SEL1L: variants seen among roughly 807,000 people sequenced by gnomAD.
SEL1L encodes SEL1L adaptor subunit of SYVN1 ubiquitin ligase.
Under a neutral mutation model 109.8 loss-of-function variants are expected in SEL1L, and 52 were observed. The ratio of observed to expected loss-of-function variants is 0.47; its 90% confidence interval spans 0.38 to 0.60. The LOEUF is 0.60. Ranked by LOEUF, SEL1L falls within the 20% of genes least tolerant of loss-of-function variation. The probability of loss-of-function intolerance (pLI) is 0.00; values close to 1 mark genes in which losing one functional copy is unlikely to be tolerated. For synonymous variants in SEL1L, 373 were observed against 339.6 expected (o/e 1.10, Z -1.08); for missense variants, 749 against 962.2 (o/e 0.78, Z 2.93).
Position 81,484,218 on chromosome 14 carries a change from C to T in SEL1L, c.2046+7G>A, listed in dbSNP as rs1903449600. ...GTGATTCAAACGTGTTTGGAAGCCA[C>T]ACTCACCTGTTTAATGCCCAGTCCT... is the stretch of plus-strand genomic sequence containing the variant. On this transcript the variant is annotated splice_region_variant and intron_variant, in intron 19 of 20. Coordinates refer to ENST00000336735, the MANE Select transcript of SEL1L (RefSeq NM_005065.6). 1 of 1,598,402 alleles carries T rather than the reference C, an allele frequency of 6.3e-7. No homozygotes were observed. Among genetic ancestry groups the T allele is most frequent in the Non-Finnish European group, 8.6e-7 (1 of 1,167,532 alleles).
intron 14 of SEL1L, among the ~76,000 whole-genome samples, chr14:81,488,265 A>T (rs977283745): frequency 6.6e-6 from 1 of 152,300 alleles, no homozygotes; most frequent in African/African-American, 2.4e-5. Context: ...AACCCTTTTT[A>T]AACCTCAATT....
chr14:81,530,308 G>C (rs1885273403), intron 1 of SEL1L, among the ~76,000 whole-genome samples: 1 of 152,174 alleles, frequency 6.6e-6, no homozygotes, highest in Admixed American at 6.5e-5. Flanking sequence ...TGGAGAGCTA[G>C]GTCTGGAACC....
chr14:81,491,772 T>G (rs2140000343), intron 12 of SEL1L, among the ~76,000 whole-genome samples: 1 of 152,332 alleles, frequency 6.6e-6, no homozygotes, highest in South Asian at 2.1e-4. Context: ...TTCCCTTGAT[T>G]GAGAACACAG....
Position 81,477,127 on chromosome 14 carries a change from C to G in SEL1L, c.2230G>C (p.Asp744His). ...DMDQLLGPEW[D>H]LYLMTIIALL... ...GCAATGATGGTCATGAGGTAAAGGT[C>G]CCACTCAGGTCCCAAAAGCTGGTCC... The change falls in exon 21 of 21, where the codon GAC becomes CAC. Residue 744 changes from aspartate to histidine, a missense_variant. Physicochemically the swap from Asp to His is moderately conservative, Grantham distance 81. Around this residue, in one of 2 missense-constraint regions of SEL1L, gnomAD observed 383 missense variants for 562.5 expected, o/e 0.68. Coordinates refer to ENST00000336735, the MANE Select transcript of SEL1L (RefSeq NM_005065.6). 6.2e-7 allele frequency: 1 copy of G among 1,614,100 alleles called. No homozygotes were observed. Among genetic ancestry groups the G allele is most frequent in the Non-Finnish European group, 8.5e-7 (1 of 1,180,028 alleles).
intron 1 of SEL1L, among the ~76,000 whole-genome samples, chr14:81,532,217 A>G (rs1885355338): frequency 6.6e-6 from 1 of 152,210 alleles, no homozygotes; most frequent in Non-Finnish European, 1.5e-5. Flanking sequence ...ATTCAGAGGG[A>G]TACACACCGT....
intron 3 of SEL1L, among the ~76,000 whole-genome samples, chr14:81,519,466 A>G (rs1360364152): frequency 2.0e-5 from 3 of 152,234 alleles, no homozygotes; most frequent in Admixed American, 6.5e-5. Context: ...TTCAAGAAAT[A>G]GCAAGAGGGC....
intron 2 of SEL1L, among the ~76,000 whole-genome samples, chr14:81,527,350 C>CAAACCT (rs1261879366): frequency 6.6e-6 from 1 of 151,918 alleles, no homozygotes; most frequent in Non-Finnish European, 1.5e-5. Context: ...AGGGAGAGCT[C>CAAACCT]AATCAACCAA....
intron 12 of SEL1L, among the ~76,000 whole-genome samples, 200 bp downstream of exon 12, chr14:81,492,280 C>T (rs1042739399): frequency 6.6e-6 from 1 of 152,160 alleles, no homozygotes; most frequent in Non-Finnish European, 1.5e-5. Context: ...CGTGAGCCAC[C>T]GCGCCTGGCT....
Position 81,490,444 on chromosome 14 carries a change from T to C in SEL1L, c.1276A>G (p.Ile426Val), listed in dbSNP as rs17847458. The C allele has an allele frequency of 5.0e-6, 8 of 1,613,858 alleles. No homozygotes were observed. The East Asian group carries it at 1.8e-4, about 36-fold the overall frequency. ...GCTGTCTCATTACTCTGAGGTACAATGTCACTTCCTTCCGAATACATCTGG... is the reference window on the plus strand; with the variant it reads ...GCTGTCTCATTACTCTGAGGTACAACGTCACTTCCTTCCGAATACATCTGG... ...LGKMYSEGSD[I>V]VPQSNETALH... The change falls in exon 13 of 21, where the codon ATT (isoleucine) becomes GTT (valine). Residue 426 changes from isoleucine (I) to valine (V), a missense_variant. Ile to Val is a conservative substitution (Grantham distance 29). Transcript: ENST00000336735.
rs1453188070 is a variant in SEL1L, at chr14:81,498,439, G to A, written c.947C>T (p.Thr316Ile). The change falls in exon 9 of 21, where the codon ACT becomes ATT. Residue 316 changes from threonine to isoleucine, a missense_variant. By Grantham distance (89) the Thr-to-Ile change is moderately conservative. Around this residue, in one of 2 missense-constraint regions of SEL1L, gnomAD observed 366 missense variants for 399.8 expected, o/e 0.92. Transcript: ENST00000336735. ...ATGATTGGCAACAAGACGATAGTGA[G>A]TCAGGGCAGATTCACAACTCTGGAG... Reference protein sequence around the residue: ...GVLQSCESALTHYRLVANHVA... With the variant: ...GVLQSCESALIHYRLVANHVA... The A allele has an allele frequency of 1.2e-6, 2 of 1,613,854 alleles. No homozygotes were observed. Among genetic ancestry groups the A allele is most frequent in the African/African-American group, 1.3e-5 (1 of 74,914 alleles).
chr14:81,532,775 TCCC>T (rs761590536), intron 1 of SEL1L, among the ~76,000 whole-genome samples: 2 of 152,062 alleles, frequency 1.3e-5, no homozygotes, highest in Non-Finnish European at 2.9e-5. Flanking sequence ...CTCCGTGTTG[TCCC>T]CCCAAAACGT....
intron 1 of SEL1L, among the ~76,000 whole-genome samples, chr14:81,529,612 T>G (rs1885249698): frequency 6.6e-6 from 1 of 152,216 alleles, no homozygotes; most frequent in African/African-American, 2.4e-5. Context: ...GAAACATGAT[T>G]TGTAACATCA....
At chr14:81,518,745 T>G (rs2140048273) in intron 3 of SEL1L, among the ~76,000 whole-genome samples, 1 of 151,808 alleles carries the variant, frequency 6.6e-6, no homozygotes, top group East Asian at 1.9e-4. Flanking sequence ...GATAGACCAT[T>G]ATGATAAATG....
intron 5 of SEL1L, among the ~76,000 whole-genome samples, chr14:81,503,171 T>TA (rs1269994374): frequency 6.6e-6 from 1 of 152,102 alleles, no homozygotes; most frequent in East Asian, 1.9e-4. Context: ...TTTGTATTTT[T>TA]AGTAGAGACG....
Position 81,495,166 on chromosome 14 carries a change from T to TA in SEL1L, c.1129-30dup, listed in dbSNP as rs757056395. ...AAAATGATCACAAACAAGGCAAAAG[T>TA]AAGTGGTACCATCTGGCACACAATT... is the stretch of plus-strand genomic sequence containing the variant. On this transcript the variant is annotated intron_variant, in intron 10 of 20. Coordinates refer to ENST00000336735, the MANE Select transcript of SEL1L (RefSeq NM_005065.6). The TA allele has an allele frequency of 6.9e-6, 11 of 1,604,316 alleles. No homozygotes were observed. In the South Asian group the frequency reaches 1.2e-4, roughly 18 times the overall value.
chr14:81,518,388 G>A (rs1171041216), intron 3 of SEL1L, among the ~76,000 whole-genome samples: 3 of 151,706 alleles, frequency 2.0e-5, no homozygotes, highest in Non-Finnish European at 4.4e-5. Flanking sequence ...GGCCGGGTGC[G>A]GTGGCTCACT....
At chr14:81,491,219 T>C (rs1297611863) in intron 12 of SEL1L, among the ~76,000 whole-genome samples, 1 of 152,166 alleles carries the variant, frequency 6.6e-6, no homozygotes, top group African/African-American at 2.4e-5. Context: ...CAGGATAAGA[T>C]CACAAGTGGG....
At position 81,487,859 on chromosome 14, in the gene SEL1L, G is replaced by A; in HGVS notation, c.1479C>T (p.Tyr493=). The A allele has an allele frequency of 1.9e-6, 3 of 1,613,542 alleles. No individual in the cohort carries two copies. The South Asian group carries it at 3.3e-5, about 18-fold the overall frequency. The change falls in exon 15 of 21, where the codon TAC becomes TAT. Residue 493 remains tyrosine, a synonymous_variant. Transcript: ENST00000336735. ...VDGQLQLGSM[Y]YNGIGVKRDY... ...ATTAATTCCAGTGTTACTTACTATA[G>A]TACATGGAACCAAGCTGTAGCTGCC...
At chr14:81,510,514 C>CTCTCTCTCTCTCTCTCTATATA (rs35474067) in intron 3 of SEL1L, among the ~76,000 whole-genome samples, 5 of 104,084 alleles carry the variant, frequency 4.8e-5, no homozygotes, top group South Asian at 3.8e-4. Flanking sequence ...CTCTCTCTCT[C>CTCTCTCTCTCTCTCTCTATATA]TATATATATA....
Sources: allele counts gnomAD v4.1 joint callset (sites outside exome capture counted in the v4.1 genomes callset), GRCh38; gene constraint gnomAD v4.1.1; regional missense constraint gnomAD v4.1.1; transcripts MANE v1.5; gene names NCBI Gene and HGNC (gene_info 2026-07-23, HGNC 2026-07-21).